Variants in RMND1 observed in about 807,000 individuals in gnomAD.
The protein encoded by RMND1 is required for meiotic nuclear division protein 1 homolog.
RMND1 carries 41 observed loss-of-function variants against 54.0 expected under a neutral mutation model. The ratio of observed to expected loss-of-function variants is 0.76; its 90% CI spans 0.59 to 0.98. The LOEUF (loss-of-function observed/expected upper bound fraction) is 0.98. RMND1 is among the 50% of genes least tolerant of loss of function. RMND1 has a pLI of 0.00. For synonymous variants in RMND1, 183 were observed against 181.7 expected (o/e 1.01, Z -0.06); for missense variants, 457 against 532.0 (o/e 0.86, Z 1.39).
intron 2 of RMND1, among the ~76,000 whole-genome samples, chr6:151,443,871 C>A (rs1296581892): frequency 6.6e-6 from 1 of 152,314 alleles, no homozygotes; most frequent in South Asian, 2.1e-4. Context: ...TTAATTACTG[C>A]GCTTCTCAAA....
chr6:151,449,509 C>T (rs958622784), intron 1 of RMND1, among the ~76,000 whole-genome samples: 3 of 152,078 alleles, frequency 2.0e-5, no homozygotes, highest in African/African-American at 7.2e-5. Context: ...ACTTGCTGTT[C>T]CTTACGCTCT....
At chr6:151,435,133 G>C (rs1348604375) in intron 3 of RMND1, among the ~76,000 whole-genome samples, 1 of 150,092 alleles carries the variant, frequency 6.7e-6, no homozygotes, top group Non-Finnish European at 1.5e-5. Flanking sequence ...CAGGTATGAG[G>C]CATCACGCCC....
intron 6 of RMND1, among the ~76,000 whole-genome samples, chr6:151,426,994 C>T (rs1017777221): frequency 4.6e-5 from 7 of 152,044 alleles, no homozygotes; most frequent in Non-Finnish European, 8.8e-5. Flanking sequence ...TGGTCCTGAA[C>T]TCCTGACCTC....
At position 151,445,829 on chromosome 6, in the gene RMND1, A is replaced by G. The variant is rs1780939647; in HGVS notation, c.-14-4T>C. The G allele has an allele frequency of 6.4e-7, 1 of 1,553,238 alleles. No homozygotes were observed. ...GCTGGCATTACCACATCCCAAGCTAAAAGAAAAGGAATTCAAAGTTCAAGT... is the reference window on the plus strand; with the variant it reads ...GCTGGCATTACCACATCCCAAGCTAGAAGAAAAGGAATTCAAAGTTCAAGT... On this transcript the variant is annotated splice_polypyrimidine_tract_variant and splice_region_variant and intron_variant, in intron 1 of 11. Coordinates refer to ENST00000444024, the MANE Select transcript of RMND1 (RefSeq NM_017909.4).
intron 1 of RMND1, among the ~76,000 whole-genome samples, chr6:151,451,743 G>A (rs1039603538): frequency 1.3e-5 from 2 of 152,112 alleles, no homozygotes; most frequent in South Asian, 4.1e-4. Flanking sequence ...GCTAAGTGGC[G>A]CTCATCTTTG....
intron 2 of RMND1, among the ~76,000 whole-genome samples, chr6:151,437,401 A>G (rs1461968589): frequency 2.0e-5 from 3 of 152,216 alleles, no homozygotes; most frequent in Admixed American, 6.5e-5. Context: ...ATTTCTCACT[A>G]TAAGATGTGG....
intron 11 of RMND1, 53 bp from the exon 12 acceptor site, chr6:151,405,320 C>G: frequency 6.8e-7 from 1 of 1,470,200 alleles, no homozygotes; most frequent in Non-Finnish European, 9.5e-7. Context: ...TGGGTACAAA[C>G]TAAAATGACT....
intron 6 of RMND1, among the ~76,000 whole-genome samples, chr6:151,426,097 C>T (rs114840552): frequency 0.015 from 2,335 of 152,138 alleles, 51 homozygotes; most frequent in African/African-American, 0.05. Flanking sequence ...CACAGACACT[C>T]GCCACTATGC....
intron 10 of RMND1, among the ~76,000 whole-genome samples, chr6:151,415,467 A>G (rs975243974): frequency 2.6e-5 from 4 of 152,136 alleles, no homozygotes; most frequent in Non-Finnish European, 5.9e-5. Flanking sequence ...AAATACCAAA[A>G]AATTGTTTCA....
intron 7 of RMND1, among the ~76,000 whole-genome samples, 179 bp from the exon 8 acceptor site, chr6:151,422,784 A>G (rs1386416658): frequency 6.6e-6 from 1 of 152,254 alleles, no homozygotes; most frequent in Non-Finnish European, 1.5e-5. Flanking sequence ...TAAAGTGGAT[A>G]GAGGAAACTG....
intron 1 of RMND1, among the ~76,000 whole-genome samples, chr6:151,446,879 C>G (rs544361235): frequency 4.0e-5 from 6 of 149,570 alleles, no homozygotes; most frequent in Admixed American, 1.3e-4. Context: ...CCAGCCTGGG[C>G]GACAGAATGA....
intron 1 of RMND1, among the ~76,000 whole-genome samples, chr6:151,449,922 T>C (rs1303964575): frequency 4.6e-5 from 7 of 152,154 alleles, no homozygotes; most frequent in Admixed American, 3.3e-4. Flanking sequence ...AGGTGCCGGG[T>C]TTGCAGACGG....
intron 2 of RMND1, chr6:151,445,014 A>G: frequency 3.3e-6 from 1 of 301,568 alleles, no homozygotes; most frequent in South Asian, 1.4e-4. Flanking sequence ...CCATTCTTAG[A>G]CTGGACTTAA....
intron 6 of RMND1, 106 bp from the exon 7 acceptor site, chr6:151,423,737 G>T: frequency 2.6e-6 from 2 of 758,388 alleles, no homozygotes; most frequent in Non-Finnish European, 4.7e-6. Flanking sequence ...TTGACAATTT[G>T]TATCAAGAGT....
rs995074889 is a variant in RMND1, at chr6:151,427,590, A to G, written c.730-8T>C. Reference sequence around the variant, plus strand: ...TTTCATCACATGCTTCATCTAGAAGAAAAGGAAGATTAATCTGAAATCATA... The same window carrying G: ...TTTCATCACATGCTTCATCTAGAAGGAAAGGAAGATTAATCTGAAATCATA... On this transcript the variant is annotated splice_polypyrimidine_tract_variant and splice_region_variant and intron_variant, in intron 5 of 11. Coordinates refer to ENST00000444024, the MANE Select transcript of RMND1 (RefSeq NM_017909.4). The G allele has an allele frequency of 1.9e-6, 3 of 1,569,070 alleles. No individual in the cohort carries two copies. In the African/African-American group the frequency reaches 4.1e-5, roughly 21 times the overall value.
At chr6:151,417,427 A>G (rs374243850) in intron 9 of RMND1, 28 bp from the exon 10 acceptor site, 548 of 1,493,204 alleles carry the variant, frequency 3.7e-4, no homozygotes, top group Non-Finnish European at 4.7e-4. Context: ...ATAACTTTTT[A>G]TTTATCTTGA....
At chr6:151,407,014 A>G (rs1779648248) in intron 10 of RMND1, among the ~76,000 whole-genome samples, 1 of 152,056 alleles carries the variant, frequency 6.6e-6, no homozygotes, top group South Asian at 2.1e-4. Context: ...TTAGCCAGGC[A>G]TGGTGGTGTG....
intron 10 of RMND1, among the ~76,000 whole-genome samples, chr6:151,412,707 G>T (rs546488862): frequency 5.9e-5 from 9 of 152,288 alleles, no homozygotes; most frequent in Admixed American, 2.0e-4. Flanking sequence ...GGCTTCTGGG[G>T]AAGCCTCCAG....
chr6:151,410,735 A>C (rs1259683368), intron 10 of RMND1, among the ~76,000 whole-genome samples: 1 of 152,192 alleles, frequency 6.6e-6, no homozygotes, highest in Admixed American at 6.5e-5. Flanking sequence ...TGAGTAATTC[A>C]AGTTTTGGGT....
Sources: gnomAD v4.1 joint callset for allele counts (sites outside exome capture counted in the v4.1 genomes callset) on GRCh38, gnomAD v4.1.1 for gene constraint, MANE v1.5 for transcripts, NCBI Gene and HGNC (gene_info 2026-07-23, HGNC 2026-07-21) for gene names.